The following ADAM9 variants were observed in gnomAD, a reference collection of about 807,000 sequenced individuals.
The protein encoded by ADAM9 is ADAM metallopeptidase domain 9, also known as disintegrin and metalloproteinase domain-containing protein 9.
Under a neutral mutation model 108.1 loss-of-function variants are expected in ADAM9, and 54 were observed. That is an observed-to-expected ratio of 0.50 (90% CI 0.40 to 0.63). The LOEUF is 0.63. Among genes scored for constraint, ADAM9 ranks in the 20% least tolerant of loss-of-function variants. The pLI, the probability that ADAM9 is intolerant of heterozygous loss-of-function variation, is 0.00. For missense variants in ADAM9, 830 were observed against 997.7 expected (o/e 0.83, Z 2.26); for synonymous variants, 316 against 336.0 (o/e 0.94, Z 0.65).
At position 39,071,387 on chromosome 8, in the gene ADAM9, A is replaced by G. The variant is rs1838683364; in HGVS notation, c.1681A>G (p.Lys561Glu). The change falls in exon 15 of 22, where the codon AAG becomes GAG. Residue 561 changes from lysine (K) to glutamate (E), a missense_variant. Physicochemically the swap from Lys to Glu is moderately conservative, Grantham distance 56. Coordinates refer to ENST00000487273, the MANE Select transcript of ADAM9 (RefSeq NM_003816.3). The stretch of plus-strand genomic sequence containing the variant: ...TTGTGGTTTCTCTGGCAATGAATAC[A>G]AGAAGTGTGCCACTGGGTAAGTGGA... Reference protein sequence around the residue: ...GNCGFSGNEYKKCATGNALCG... With the variant: ...GNCGFSGNEYEKCATGNALCG... 6.2e-7 allele frequency: 1 copy of G among 1,613,942 alleles called. No homozygotes were observed. Among genetic ancestry groups the G allele is most frequent in the Non-Finnish European group, 8.5e-7 (1 of 1,179,924 alleles).
At chr8:39,019,727 C>T (rs887046468) in intron 7 of ADAM9, among the ~76,000 whole-genome samples, 5 of 152,106 alleles carry the variant, frequency 3.3e-5, no homozygotes, top group Admixed American at 6.5e-5. Flanking sequence ...TTCTTGTAAG[C>T]TGTAGAGACA....
chr8:39,012,670 A>G (rs1465614116), intron 3 of ADAM9, among the ~76,000 whole-genome samples: 2 of 152,186 alleles, frequency 1.3e-5, no homozygotes, highest in Non-Finnish European at 2.9e-5. Context: ...GCTGGAAACC[A>G]TCATTCTCAG....
chr8:38,998,609 G>A (rs1835900484), intron 1 of ADAM9, among the ~76,000 whole-genome samples: 1 of 152,170 alleles, frequency 6.6e-6, no homozygotes. Context: ...TGATTGTAGA[G>A]GGGCAGAAGG....
At chr8:39,037,050 CTTTTTTTTTTTTT>C (rs58876607) in intron 11 of ADAM9, among the ~76,000 whole-genome samples, 1 of 78,608 alleles carries the variant, frequency 1.3e-5, no homozygotes, top group Non-Finnish European at 2.2e-5. Context: ...TGCGCAAGTT[CTTTTTTTTTTTTT>C]TTTTTTTTTT....
intron 16 of ADAM9, among the ~76,000 whole-genome samples, chr8:39,082,313 C>T (rs1351845332): frequency 6.6e-6 from 1 of 152,042 alleles, no homozygotes; most frequent in Non-Finnish European, 1.5e-5. Context: ...TTAACTCTAT[C>T]TAGTTACTTT....
chr8:39,006,725 T>C (rs1273652386), intron 1 of ADAM9, among the ~76,000 whole-genome samples: 1 of 151,978 alleles, frequency 6.6e-6, no homozygotes, highest in Non-Finnish European at 1.5e-5. Context: ...ATTCAAGTGA[T>C]GACTTTAGAA....
At chr8:39,013,391 G>C (rs35427996) in intron 3 of ADAM9, among the ~76,000 whole-genome samples, 122,657 of 151,696 alleles carry the variant, frequency 0.81, 49,732 homozygotes, top group East Asian at 0.95. Context: ...AAATTTTTTG[G>C]AACTAGCATT....
At chr8:39,059,090 G>C (rs1285887162) in intron 14 of ADAM9, among the ~76,000 whole-genome samples, 1 of 152,208 alleles carries the variant, frequency 6.6e-6, no homozygotes, top group Non-Finnish European at 1.5e-5. Context: ...CCATGTGCAT[G>C]GGCCCATTGC....
intron 12 of ADAM9, among the ~76,000 whole-genome samples, chr8:39,050,792 G>A (rs1837932248): frequency 1.3e-5 from 2 of 150,336 alleles, no homozygotes; most frequent in Admixed American, 1.3e-4. Flanking sequence ...GTGACATGTG[G>A]TCCAACAGTT....
chr8:39,014,220 C>T (rs1421531004), intron 4 of ADAM9, 177 bp downstream of exon 4: 29 of 618,234 alleles, frequency 4.7e-5, no homozygotes, highest in Non-Finnish European at 7.7e-5. Context: ...TAAGCTGTAC[C>T]TTACAGCTCT....
At chr8:39,046,435 C>T (rs76250349) in intron 12 of ADAM9, among the ~76,000 whole-genome samples, 6,178 of 152,092 alleles carry the variant, frequency 0.041, 433 homozygotes, top group African/African-American at 0.14. Context: ...GCTTCATTTC[C>T]GATTTAGATG....
At position 39,077,547 on chromosome 8, in the gene ADAM9, A is replaced by T. The variant is rs1588416882; in HGVS notation, c.1881+136A>T. 2.5e-5 allele frequency: 22 copies of T among 879,004 alleles called. No homozygotes were observed. In the East Asian group the frequency reaches 6.2e-4, roughly 25 times the overall value. 54.5% of individuals were successfully genotyped at this position (879,004 alleles called of 1,614,324 possible). ...TAGAAATTTTAGAAAATACAAAGCC[A>T]CCAAAAGAAAATTAAGAACTATAAT... is the stretch of plus-strand genomic sequence containing the variant. On this transcript the variant is annotated intron_variant, in intron 16 of 21. Transcript: ENST00000487273.
intron 9 of ADAM9, among the ~76,000 whole-genome samples, chr8:39,023,937 G>A (rs1022136288): frequency 6.6e-6 from 1 of 151,602 alleles, no homozygotes; most frequent in Non-Finnish European, 1.5e-5. Context: ...GCAGAGATGG[G>A]GTCTCACCAT....
At chr8:39,059,722 G>C (rs370496247) in intron 14 of ADAM9, among the ~76,000 whole-genome samples, 1 of 152,222 alleles carries the variant, frequency 6.6e-6, no homozygotes, top group East Asian at 1.9e-4. Flanking sequence ...GAACAACCAG[G>C]TGCACTTCAG....
chr8:39,057,999 A>G (rs1040130738), intron 14 of ADAM9, among the ~76,000 whole-genome samples: 3 of 152,190 alleles, frequency 2.0e-5, no homozygotes, highest in Non-Finnish European at 2.9e-5. Flanking sequence ...TGTTAAGGGC[A>G]TAATTCCACC....
intron 16 of ADAM9, among the ~76,000 whole-genome samples, chr8:39,080,877 G>A (rs1035375304): frequency 2.6e-5 from 4 of 151,438 alleles, no homozygotes; most frequent in African/African-American, 9.7e-5. Flanking sequence ...GTGGTTGTTG[G>A]TGGTGGCCAT....
rs1271919337 is a variant in ADAM9 at position 39,045,391 on chromosome 8, TGTA to T, written c.1302+3275_1302+3277del. Among the ~76,000 whole-genome samples, 31 of 147,810 alleles carry T rather than the reference TGTA, an allele frequency of 2.1e-4. 6 individuals are homozygous for T. The highest frequency in any genetic ancestry group is 7.9e-4 in the East Asian group (4 of 5,054). On this transcript the variant is annotated intron_variant, in intron 12 of 21. Transcript: ENST00000487273. ...GTGTGTACATACACCTATAGGTGTGTGTACACACACCTATATGTGCGCGTGTGT... is the reference window on the plus strand; with the variant it reads ...GTGTGTACATACACCTATAGGTGTGTCACACACCTATATGTGCGCGTGTGT...
At chr8:39,022,093 TGTGTGAGAGA>T (rs911622498) in intron 8 of ADAM9, among the ~76,000 whole-genome samples, 3 of 150,390 alleles carry the variant, frequency 2.0e-5, no homozygotes, top group Admixed American at 6.6e-5. Context: ...TGTGTGTGTG[TGTGTGAGAGA>T]GAGAGAGAGA....
chr8:39,009,593 T>C (rs1397920692), intron 2 of ADAM9, among the ~76,000 whole-genome samples: 1 of 152,194 alleles, frequency 6.6e-6, no homozygotes, highest in Non-Finnish European at 1.5e-5. Flanking sequence ...TTCTCCTTTT[T>C]TGTGTCTCTG....
Sources: gnomAD v4.1 joint callset for allele counts (sites outside exome capture counted in the v4.1 genomes callset) on GRCh38, gnomAD v4.1.1 for gene constraint, MANE v1.5 for transcripts, NCBI Gene and HGNC (gene_info 2026-07-23, HGNC 2026-07-21) for gene names.